The following MYOCD variants were observed in gnomAD, a reference collection of about 807,000 sequenced individuals.
MYOCD encodes myocardin.
A neutral mutation model predicts 96.1 loss-of-function variants in MYOCD; 32 were observed. That is an observed-to-expected ratio of 0.33 (90% CI 0.25 to 0.45). MYOCD has a LOEUF of 0.45. Ranked by LOEUF, MYOCD falls within the 20% of genes least tolerant of loss-of-function variation. The probability of loss-of-function intolerance (pLI) is 1.00; values close to 1 mark genes in which losing one functional copy is unlikely to be tolerated. For synonymous variants in MYOCD, 469 were observed against 469.0 expected, an observed-to-expected ratio of 1.00 and a Z score of 0.00; for missense variants, 1,133 against 1,200.6, an observed-to-expected ratio of 0.94 and a Z score of 0.83.
At position 12,691,735 on chromosome 17, in the gene MYOCD, T is replaced by G. The variant is rs1442960073; in HGVS notation, c.56-13393T>G. Reference sequence around the variant, plus strand: ...AGTTACTGTTTTCTCATCCAAATATTAATAGTTCCATTTGGAACTTACACT... The same window carrying G: ...AGTTACTGTTTTCTCATCCAAATATGAATAGTTCCATTTGGAACTTACACT... On this transcript the variant is annotated intron_variant, in intron 1 of 13. Transcript: ENST00000425538. Among the ~76,000 whole-genome samples the G allele has an allele frequency of 3.3e-5, 5 of 152,162 alleles. No homozygotes were observed. The East Asian group carries it at 9.6e-4, about 29-fold the overall frequency.
Position 12,760,776 on chromosome 17 carries a change from G to A in MYOCD, c.2389+69G>A, listed in dbSNP as rs376180066. The A allele has an allele frequency of 2.0e-3, 2,614 of 1,288,296 alleles. 5 individuals are homozygous for A. The highest frequency in any genetic ancestry group is 2.4e-3 in the Non-Finnish European group (2,157 of 889,368). 79.8% of individuals were successfully genotyped at this position (1,288,296 alleles called of 1,614,324 possible). A position where few individuals can be genotyped will look rare whatever the true frequency, so the allele number is the denominator to read the frequency against. On this transcript the variant is annotated intron_variant, in intron 13 of 13. Transcript: ENST00000425538. Reference sequence around the variant, plus strand: ...CATGAACTCTAAGGAATGAACTCTCGGTACCAAGATCAGATGCACACTGTG... The same window carrying A: ...CATGAACTCTAAGGAATGAACTCTCAGTACCAAGATCAGATGCACACTGTG...
intron 10 of MYOCD, among the ~76,000 whole-genome samples, chr17:12,756,085 T>C (rs745411679): frequency 2.6e-5 from 4 of 152,058 alleles, no homozygotes; most frequent in Non-Finnish European, 5.9e-5. Context: ...GGGGATGGAA[T>C]GTACAGGGCA....
intron 7 of MYOCD, among the ~76,000 whole-genome samples, chr17:12,740,255 A>G (rs1280406303): frequency 6.6e-6 from 1 of 152,084 alleles, no homozygotes; most frequent in Non-Finnish European, 1.5e-5. Context: ...GATTTCGGAG[A>G]TTGTAGTGCA....
chr17:12,747,394 T>G (rs989460041), intron 9 of MYOCD, among the ~76,000 whole-genome samples: 1 of 152,040 alleles, frequency 6.6e-6, no homozygotes, highest in Non-Finnish European at 1.5e-5. Context: ...GAGGAGTTGA[T>G]GTGAAGGGAC....
intron 1 of MYOCD, among the ~76,000 whole-genome samples, chr17:12,680,133 G>A (rs1189742451): frequency 6.6e-6 from 1 of 152,136 alleles, no homozygotes; most frequent in Non-Finnish European, 1.5e-5. Flanking sequence ...ACAGCCCCAT[G>A]GAATGAAGAC....
chr17:12,710,430 A>G, intron 2 of MYOCD: 1 of 784,192 alleles, frequency 1.3e-6, no homozygotes. Context: ...GATCTGATCA[A>G]TGTAAATGAA....
chr17:12,753,472 C>G (rs2032922127), intron 10 of MYOCD, 126 bp downstream of exon 10: 9 of 832,496 alleles, frequency 1.1e-5, no homozygotes, highest in Non-Finnish European at 1.6e-5. Flanking sequence ...ATAGCAGAAT[C>G]TCCCAGACAC....
At chr17:12,677,580 C>T (rs919743373) in intron 1 of MYOCD, among the ~76,000 whole-genome samples, 3 of 151,518 alleles carry the variant, frequency 2.0e-5, no homozygotes, top group East Asian at 2.0e-4. Context: ...GGCATGGTGG[C>T]GGGCACCTGT....
Position 12,736,234 on chromosome 17 carries a change from T to C in MYOCD, c.489T>C (p.Ser163=). 1.9e-6 allele frequency: 3 copies of C among 1,614,170 alleles called. No homozygotes were observed. The highest frequency in any genetic ancestry group is 2.5e-6 in the Non-Finnish European group (3 of 1,180,034). Residue 163 remains serine, a synonymous_variant, in exon 6 of 14, where the codon TCT becomes TCC. Transcript: ENST00000425538. ...FEEDSSSDGL[S]PDQTRSEDPQ... The stretch of plus-strand genomic sequence containing the variant: ...AGGACAGCAGCAGCGATGGGCTTTC[T>C]CCGGATCAGACTCGAAGTGAAGACC...
intron 1 of MYOCD, among the ~76,000 whole-genome samples, chr17:12,672,472 G>C (rs567096478): frequency 6.6e-6 from 1 of 152,202 alleles, no homozygotes; most frequent in Non-Finnish European, 1.5e-5. Context: ...TACGTAACGA[G>C]ATTTGGATCA....
At chr17:12,673,907 A>AT (rs1909858766) in intron 1 of MYOCD, among the ~76,000 whole-genome samples, 1 of 152,202 alleles carries the variant, frequency 6.6e-6, no homozygotes, top group South Asian at 2.1e-4. Context: ...TGAGCCTTTC[A>AT]TACCTTTTCA....
At position 12,665,972 on chromosome 17, in the gene MYOCD, C is replaced by A. The variant is rs1909350122; in HGVS notation, c.-217C>A. Reference sequence around the variant, plus strand: ...GCCAACCTCCGAGGAGGAGGAGGGTCCCGCCGGCTAAGAGTTAATTAGCCC... The same window carrying A: ...GCCAACCTCCGAGGAGGAGGAGGGTACCGCCGGCTAAGAGTTAATTAGCCC... On this transcript the variant is annotated 5_prime_UTR_variant, in exon 1 of 14. Transcript: ENST00000425538. This position sits in a 1 kb window ranked among gnomAD's most constrained non-coding sequence, Gnocchi z 4.2. 1.8e-6 allele frequency: 1 copy of A among 542,544 alleles called. No homozygotes were observed. Among genetic ancestry groups the A allele is most frequent in the Non-Finnish European group, 3.3e-6 (1 of 304,904 alleles). 33.6% of individuals were successfully genotyped at this position (542,544 alleles called of 1,614,324 possible). A position where few individuals can be genotyped will look rare whatever the true frequency, so the allele number is the denominator to read the frequency against.
At chr17:12,731,254 T>C (rs1462058492) in intron 5 of MYOCD, among the ~76,000 whole-genome samples, 1 of 152,202 alleles carries the variant, frequency 6.6e-6, no homozygotes, top group Non-Finnish European at 1.5e-5. Flanking sequence ...AGGTGACCTT[T>C]GTCCCTCTCT....
chr17:12,721,980 T>C (rs2031854190), intron 4 of MYOCD, among the ~76,000 whole-genome samples: 1 of 152,140 alleles, frequency 6.6e-6, no homozygotes, highest in African/African-American at 2.4e-5. Context: ...TTCTTCTGTA[T>C]GGAGAGTTCT....
At chr17:12,750,648 C>T (rs867567397) in intron 9 of MYOCD, among the ~76,000 whole-genome samples, 2 of 152,020 alleles carry the variant, frequency 1.3e-5, no homozygotes, top group African/African-American at 2.4e-5. Context: ...GAGATTATGC[C>T]GCTGCACTCC....
rs558673806 is a variant in MYOCD at position 12,747,903 on chromosome 17, C to T, written c.1125+1831C>T. Among the ~76,000 whole-genome samples, 80 of 150,656 alleles carry T rather than the reference C, an allele frequency of 5.3e-4. No homozygotes were observed. In the East Asian group the frequency reaches 7.0e-3, roughly 13 times the overall value. ...AAAACTGGCTGGGCGTGGTGGCTCA[C>T]GCCTATAATCGCAGCACTTTGGGTG... On this transcript the variant is annotated intron_variant, in intron 9 of 13. Transcript: ENST00000425538.
At chr17:12,713,220 A>G (rs980872277) in intron 2 of MYOCD, among the ~76,000 whole-genome samples, 1 of 152,240 alleles carries the variant, frequency 6.6e-6, no homozygotes, top group Non-Finnish European at 1.5e-5. Flanking sequence ...TGCTCCTGGC[A>G]TCAGAGAACT....
At position 12,765,922 on chromosome 17, in the gene MYOCD, T is replaced by C. The variant is rs1312141236; in HGVS notation, c.*2278T>C. On this transcript the variant is annotated 3_prime_UTR_variant, in exon 14 of 14. Coordinates refer to ENST00000425538, the MANE Select transcript of MYOCD (RefSeq NM_001146312.3). The stretch of plus-strand genomic sequence containing the variant: ...CATTCCTTTTATCTGTATTGTGCTT[T>C]AAAAGATCCACATGGTAAATTTTTT... 1 of 152,242 alleles carries C rather than the reference T, an allele frequency of 6.6e-6. No homozygotes were observed. The highest frequency in any genetic ancestry group is 1.5e-5 in the Non-Finnish European group (1 of 68,044). The allele number at this position is 152,242 out of a possible 1,614,324, so 9.4% of individuals were successfully genotyped here.
At chr17:12,704,377 T>G (rs1222295397) in intron 1 of MYOCD, among the ~76,000 whole-genome samples, 1 of 152,216 alleles carries the variant, frequency 6.6e-6, no homozygotes, top group African/African-American at 2.4e-5. Context: ...TATTTAATTT[T>G]TACTATTACA....
Sources: gnomAD v4.1 joint callset for allele counts (sites outside exome capture counted in the v4.1 genomes callset) on GRCh38, gnomAD v4.1.1 for gene constraint, Gnocchi (gnomAD v3.1) non-coding constraint, MANE v1.5 for transcripts, NCBI Gene and HGNC (gene_info 2026-07-23, HGNC 2026-07-21) for gene names.